GALNT17: variants seen among roughly 807,000 people sequenced by gnomAD.
The protein encoded by GALNT17 is polypeptide N-acetylgalactosaminyltransferase 17, also known as UDP-GalNAc:polypeptide N-acetylgalactosaminyltransferase-like 3.
In GALNT17, 29 loss-of-function variants were observed where a neutral mutation model predicts 63.7. The ratio of observed to expected loss-of-function variants is 0.46; its 90% CI spans 0.34 to 0.62. The LOEUF is 0.62. GALNT17 is among the 20% of genes least tolerant of loss of function. The pLI is 0.01. For synonymous variants in GALNT17, 305 were observed against 318.3 expected, an observed-to-expected ratio of 0.96 and a Z score of 0.45; for missense variants, 603 against 799.6, an observed-to-expected ratio of 0.75 and a Z score of 2.97.
At chr7:71,665,713 A>G in intron 7 of GALNT17, 117 bp downstream of exon 7, 1 of 1,200,070 alleles carries the variant, frequency 8.3e-7, no homozygotes, top group South Asian at 1.5e-5. Flanking sequence ...TAGAAAAATT[A>G]TGAATGCATT....
intron 2 of GALNT17, among the ~76,000 whole-genome samples, chr7:71,386,675 T>G (rs1045789123): frequency 7.2e-5 from 11 of 152,158 alleles, no homozygotes; most frequent in Non-Finnish European, 1.6e-4. Flanking sequence ...ATTCTTCCCT[T>G]TAATCACTGC....
At chr7:71,455,474 T>C (rs1182026796) in intron 5 of GALNT17, among the ~76,000 whole-genome samples, 1 of 147,244 alleles carries the variant, frequency 6.8e-6, no homozygotes, top group African/African-American at 2.5e-5. Flanking sequence ...AGTATGAATA[T>C]TTTCCAGGGT....
At chr7:71,279,336 T>G (rs1790739803) in intron 1 of GALNT17, among the ~76,000 whole-genome samples, 1 of 152,088 alleles carries the variant, frequency 6.6e-6, no homozygotes, top group African/African-American at 2.4e-5. Flanking sequence ...TTGTGAGAAC[T>G]CACTATTATA....
At chr7:71,600,763 CT>C (rs71089964) in intron 6 of GALNT17, among the ~76,000 whole-genome samples, 1 of 151,412 alleles carries the variant, frequency 6.6e-6, no homozygotes, top group Non-Finnish European at 1.5e-5. Flanking sequence ...TTTTTTCACT[CT>C]TTTTTTTATT....
chr7:71,362,763 T>A (rs1361743275), intron 2 of GALNT17, among the ~76,000 whole-genome samples: 2 of 152,184 alleles, frequency 1.3e-5, no homozygotes, highest in Non-Finnish European at 2.9e-5. Context: ...CCTGCCCCGC[T>A]GAAAGCCTTC....
intron 5 of GALNT17, among the ~76,000 whole-genome samples, chr7:71,564,017 G>A (rs960530511): frequency 6.6e-6 from 1 of 152,238 alleles, no homozygotes; most frequent in East Asian, 1.9e-4. Flanking sequence ...GAGCCACCCT[G>A]CCAGGGTGAT....
intron 6 of GALNT17, among the ~76,000 whole-genome samples, chr7:71,624,434 A>G (rs1326948479): frequency 1.3e-5 from 2 of 152,086 alleles, no homozygotes; most frequent in East Asian, 3.9e-4. Context: ...GGGCTGTTTT[A>G]CCTTTCTGTT....
At chr7:71,544,274 G>A (rs1324542665) in intron 5 of GALNT17, among the ~76,000 whole-genome samples, 12 of 150,188 alleles carry the variant, frequency 8.0e-5, no homozygotes, top group African/African-American at 2.4e-4. Context: ...TGGGACTACA[G>A]GTGCCCACCA....
chr7:71,394,626 A>G (rs1310356039), intron 3 of GALNT17, among the ~76,000 whole-genome samples: 1 of 152,148 alleles, frequency 6.6e-6, no homozygotes, highest in African/African-American at 2.4e-5. Context: ...CATTGGTCCA[A>G]TGATGAACTT....
intron 5 of GALNT17, among the ~76,000 whole-genome samples, chr7:71,483,281 G>T (rs1002731618): frequency 1.3e-5 from 2 of 152,060 alleles, no homozygotes; most frequent in African/African-American, 4.8e-5. Context: ...GACCAGCCTG[G>T]GCAGCGTGGC....
At chr7:71,672,548 C>T (rs1791085857) in intron 8 of GALNT17, among the ~76,000 whole-genome samples, 1 of 151,616 alleles carries the variant, frequency 6.6e-6, no homozygotes, top group Non-Finnish European at 1.5e-5. Flanking sequence ...ATATAATAAG[C>T]TTTGCAAGTT....
intron 1 of GALNT17, among the ~76,000 whole-genome samples, chr7:71,314,151 T>G (rs1791460173): frequency 6.6e-6 from 1 of 151,986 alleles, no homozygotes; most frequent in South Asian, 2.1e-4. Flanking sequence ...ATTGAAATAT[T>G]TTTTTATGTG....
At chr7:71,630,330 C>CA (rs1455165760) in intron 6 of GALNT17, among the ~76,000 whole-genome samples, 7 of 152,144 alleles carry the variant, frequency 4.6e-5, no homozygotes, top group Non-Finnish European at 8.8e-5. Flanking sequence ...ACTCCCGTGC[C>CA]AAAAAAGCCA....
intron 5 of GALNT17, among the ~76,000 whole-genome samples, chr7:71,438,832 T>A (rs560561786): frequency 5.3e-5 from 8 of 152,148 alleles, no homozygotes; most frequent in Non-Finnish European, 1.0e-4. Flanking sequence ...CATTGGATTA[T>A]CACTAATTTA....
At chr7:71,506,713 AT>A (rs1324294060) in intron 5 of GALNT17, among the ~76,000 whole-genome samples, 1 of 152,166 alleles carries the variant, frequency 6.6e-6, no homozygotes, top group Admixed American at 6.6e-5. Context: ...CATCTCAAAC[AT>A]TTGTCATTTC....
At chr7:71,621,693 A>G (rs1372704969) in intron 6 of GALNT17, among the ~76,000 whole-genome samples, 1 of 152,234 alleles carries the variant, frequency 6.6e-6, no homozygotes, top group East Asian at 1.9e-4. Flanking sequence ...ACAACAGATA[A>G]AAATATTTTT....
At chr7:71,194,689 T>C (rs1789013269) in intron 1 of GALNT17, among the ~76,000 whole-genome samples, 2 of 152,172 alleles carry the variant, frequency 1.3e-5, no homozygotes, top group Admixed American at 1.3e-4. Context: ...ATCTGCAAAA[T>C]TGGGTTCTTG....
intron 1 of GALNT17, among the ~76,000 whole-genome samples, chr7:71,274,523 T>C (rs1165641505): frequency 2.6e-5 from 4 of 152,202 alleles, no homozygotes; most frequent in Non-Finnish European, 5.9e-5. Context: ...CAAGCAGTCC[T>C]TCTTCCACGG....
chr7:71,435,114 C>T (rs1786935054), intron 5 of GALNT17, among the ~76,000 whole-genome samples: 1 of 152,054 alleles, frequency 6.6e-6, no homozygotes, highest in Non-Finnish European at 1.5e-5. Context: ...ATTGTTGAGA[C>T]CAGGAGTTCA....
Sources: gnomAD v4.1 joint callset for allele counts (sites outside exome capture counted in the v4.1 genomes callset) on GRCh38, gnomAD v4.1.1 for gene constraint, MANE v1.5 for transcripts, NCBI Gene and HGNC (gene_info 2026-07-23, HGNC 2026-07-21) for gene names.